BTBD8: variants seen among roughly 807,000 people sequenced by gnomAD.
BTBD8 encodes the protein BTB/POZ domain-containing protein 8.
BTBD8 carries 110 observed loss-of-function variants against 162.9 expected under a neutral mutation model. The ratio of observed to expected loss-of-function variants is 0.68; its 90% CI spans 0.58 to 0.79. The LOEUF (loss-of-function observed/expected upper bound fraction) is 0.79. Ranked by LOEUF, BTBD8 falls within the 30% of genes least tolerant of loss-of-function variation. BTBD8 has a pLI of 0.00. For synonymous variants in BTBD8, 667 were observed against 716.1 expected (o/e 0.93, Z 1.10); for missense variants, 1,905 against 2,085.4 (o/e 0.91, Z 1.68).
chr1:92,176,117 A>AG (rs1650703843), intron 13 of BTBD8, among the ~76,000 whole-genome samples: 1 of 152,112 alleles, frequency 6.6e-6, no homozygotes, highest in Non-Finnish European at 1.5e-5. Flanking sequence ...TTAAAAAAAA[A>AG]TTTTTTTAAA....
chr1:92,147,788 T>C lies in BTBD8; in HGVS notation c.1122+2T>C. The C allele has an allele frequency of 6.2e-7, 1 of 1,606,258 alleles. No individual in the cohort carries two copies. Among genetic ancestry groups the C allele is most frequent in the Non-Finnish European group, 8.5e-7 (1 of 1,174,218 alleles). On this transcript the variant is annotated splice_donor_variant, in intron 9 of 17. Coordinates refer to ENST00000636805, the MANE Select transcript of BTBD8 (RefSeq NM_001376131.1). LOFTEE classifies it high-confidence loss of function. ...CTTAATATGTTGATTCAGTCCTTAGTAAGTATAACCTGAATACTCTTTTGT... is the reference window on the plus strand; with the variant it reads ...CTTAATATGTTGATTCAGTCCTTAGCAAGTATAACCTGAATACTCTTTTGT...
At chr1:92,139,050 G>A (rs977179730) in intron 5 of BTBD8, among the ~76,000 whole-genome samples, 1 of 152,208 alleles carries the variant, frequency 6.6e-6, no homozygotes, top group African/African-American at 2.4e-5. Flanking sequence ...TTCTTAATGA[G>A]CCAGAGGTTA....
rs1417072602 is a variant in BTBD8, at chr1:92,167,052, C to A, written c.1217C>A (p.Ala406Glu). 1.3e-6 allele frequency: 2 copies of A among 1,550,588 alleles called. No individual in the cohort carries two copies. The highest frequency in any genetic ancestry group is 2.7e-5 in the African/African-American group (2 of 73,010). The change falls in exon 10 of 18, where the codon GCG becomes GAG. Residue 406 changes from alanine (A) to glutamate (E), a missense_variant. By Grantham distance (107) the Ala-to-Glu change is moderately radical (BLOSUM62 -1). This residue lies in a region of BTBD8 where 1,374 missense variants were observed against 1,442.7 expected (regional missense o/e 0.95). Transcript: ENST00000636805. ...TGGACGGAAGCAGCACTGACCATGG[C>A]GTCTCAGCTTCAAGAAAAATGTATT... is the stretch of plus-strand genomic sequence containing the variant. Reference protein sequence around the residue: ...VKWTEAALTMASQLQEKCIAF... With the variant: ...VKWTEAALTMESQLQEKCIAF...
intron 2 of BTBD8, among the ~76,000 whole-genome samples, chr1:92,092,328 A>G (rs1156709665): frequency 6.6e-6 from 1 of 151,696 alleles, no homozygotes; most frequent in Non-Finnish European, 1.5e-5. Flanking sequence ...ACTTGAGCCC[A>G]GAGGCAGAGT....
At chr1:92,158,503 C>T (rs1486087620) in intron 9 of BTBD8, among the ~76,000 whole-genome samples, 1 of 152,104 alleles carries the variant, frequency 6.6e-6, no homozygotes, top group Non-Finnish European at 1.5e-5. Flanking sequence ...CTTCTCCCCC[C>T]ACACATACAC....
chr1:92,117,815 C>T (rs1649086110), intron 4 of BTBD8, among the ~76,000 whole-genome samples: 2 of 152,014 alleles, frequency 1.3e-5, no homozygotes, highest in Admixed American at 1.3e-4. Context: ...GAAACTGCTT[C>T]TAGGAAGAAA....
intron 5 of BTBD8, among the ~76,000 whole-genome samples, chr1:92,133,829 G>C (rs981056281): frequency 3.9e-5 from 6 of 152,096 alleles, no homozygotes; most frequent in Non-Finnish European, 8.8e-5. Flanking sequence ...AATTAGCCGG[G>C]CGTGGTGGCG....
chr1:92,151,533 A>G lies in BTBD8; in HGVS notation c.1122+3747A>G, dbSNP rs568067811. Among the ~76,000 whole-genome samples the G allele has an allele frequency of 1.9e-3, 289 of 152,212 alleles. 2 individuals are homozygous for G. Among genetic ancestry groups the G allele is most frequent in the Non-Finnish European group, 3.5e-3 (237 of 68,022 alleles). ...CATTTCCTAATGTAGTAGTAGTACC[A>G]GTATTTTTTTTAAATTATTTTTTTT... On this transcript the variant is annotated intron_variant, in intron 9 of 17. Coordinates refer to ENST00000636805, the MANE Select transcript of BTBD8 (RefSeq NM_001376131.1).
At chr1:92,111,033 C>T (rs2101910277) in intron 4 of BTBD8, among the ~76,000 whole-genome samples, 1 of 151,182 alleles carries the variant, frequency 6.6e-6, no homozygotes, top group Non-Finnish European at 1.5e-5. Flanking sequence ...GCTCTTTTGC[C>T]GAGGCTGGAG....
chr1:92,177,110 A>G lies in BTBD8; in HGVS notation c.1917A>G (p.Lys639=). The G allele has an allele frequency of 6.4e-7, 1 of 1,551,742 alleles. No individual in the cohort carries two copies. Among genetic ancestry groups the G allele is most frequent in the Non-Finnish European group, 8.7e-7 (1 of 1,147,008 alleles). Residue 639 remains lysine (K), a synonymous_variant, in exon 14 of 18, where the codon AAA becomes AAG. Transcript: ENST00000636805. ...NVSGKPKTVT[K]SKTENGDKAR... ...CTGGAAAGCCCAAAACTGTAACAAA[A>G]TCCAAAACAGAAAATGGTGATAAGG... is the stretch of plus-strand genomic sequence containing the variant.
In BTBD8 at chr1:92,179,443, C is replaced by T. The variant is rs1374174477; in HGVS notation, c.2582-822C>T. On this transcript the variant is annotated intron_variant, in intron 16 of 17. Transcript: ENST00000636805. ...TTCAAAATTGCTTTTATGTATCAAG[C>T]ATTAACATATGTAAAAGCAGTTCTT... Among the ~76,000 whole-genome samples the T allele has an allele frequency of 2.0e-5, 3 of 152,040 alleles. No homozygotes were observed. The East Asian group carries it at 5.8e-4, about 29-fold the overall frequency.
At chr1:92,152,463 T>G (rs1650067727) in intron 9 of BTBD8, among the ~76,000 whole-genome samples, 1 of 152,116 alleles carries the variant, frequency 6.6e-6, no homozygotes, top group Non-Finnish European at 1.5e-5. Flanking sequence ...AGAATTAATT[T>G]GAAATGAACC....
intron 2 of BTBD8, among the ~76,000 whole-genome samples, chr1:92,100,181 C>T (rs1648550979): frequency 6.6e-6 from 1 of 152,168 alleles, no homozygotes; most frequent in South Asian, 2.1e-4. Flanking sequence ...TCCTGAGATA[C>T]ATCTGTTTGT....
At chr1:92,137,591 T>G (rs1649664303) in intron 5 of BTBD8, among the ~76,000 whole-genome samples, 1 of 152,204 alleles carries the variant, frequency 6.6e-6, no homozygotes, top group African/African-American at 2.4e-5. Context: ...TCCTTCCTGT[T>G]CAGAATAAGA....
intron 4 of BTBD8, among the ~76,000 whole-genome samples, chr1:92,127,307 T>C (rs1418785100): frequency 6.6e-6 from 1 of 152,228 alleles, no homozygotes; most frequent in Non-Finnish European, 1.5e-5. Flanking sequence ...ATTCGAGGTC[T>C]ACACTCCTGG....
At chr1:92,174,485 A>G (rs1650645987) in intron 13 of BTBD8, among the ~76,000 whole-genome samples, 1 of 152,172 alleles carries the variant, frequency 6.6e-6, no homozygotes, top group African/African-American at 2.4e-5. Context: ...ACCATATACT[A>G]TATAGATTTC....
chr1:92,107,949 T>A lies in BTBD8; in HGVS notation c.610T>A (p.Cys204Ser). ...TTTATTGAAGCTTTATGTGAAACCT[T>A]GTTGCCCAGATATTGATATTTTTGT... ...EDLLKLYVKPCCPDIDIFVDG... is the reference protein window; with the variant it reads ...EDLLKLYVKPSCPDIDIFVDG... Residue 204 changes from cysteine (C) to serine (S), a missense_variant, in exon 4 of 18, where the codon TGT becomes AGT. Cys to Ser is a moderately radical substitution (Grantham distance 112, BLOSUM62 -1). Transcript: ENST00000636805. 6.2e-7 allele frequency: 1 copy of A among 1,614,206 alleles called. No individual in the cohort carries two copies. The highest frequency in any genetic ancestry group is 8.5e-7 in the Non-Finnish European group (1 of 1,180,030).
In BTBD8 at chr1:92,183,850, A is replaced by G; in HGVS notation, c.4913-14A>G. Reference sequence around the variant, plus strand: ...TGCAATTTTTACATTGTGTAGTATTATGAATTATTTCAGGAGACATAGATG... The same window carrying G: ...TGCAATTTTTACATTGTGTAGTATTGTGAATTATTTCAGGAGACATAGATG... On this transcript the variant is annotated splice_polypyrimidine_tract_variant and intron_variant, in intron 17 of 17. Transcript: ENST00000636805. 6.5e-7 allele frequency: 1 copy of G among 1,531,382 alleles called. No homozygotes were observed. The highest frequency in any genetic ancestry group is 8.8e-7 in the Non-Finnish European group (1 of 1,136,040). The allele number at this position is 1,531,382 out of a possible 1,614,324, so 94.9% of individuals were successfully genotyped here.
chr1:92,087,012 C>G (rs996178225), intron 1 of BTBD8, among the ~76,000 whole-genome samples: 5 of 152,186 alleles, frequency 3.3e-5, no homozygotes, highest in Non-Finnish European at 7.3e-5. Flanking sequence ...ATTGAGACTT[C>G]TCCAGTCTGT....
Sources: allele counts gnomAD v4.1 joint callset (sites outside exome capture counted in the v4.1 genomes callset), GRCh38; gene constraint gnomAD v4.1.1; regional missense constraint gnomAD v4.1.1; transcripts MANE v1.5; gene names NCBI Gene and HGNC (gene_info 2026-07-23, HGNC 2026-07-21).